Variants in GOLGA8S observed in about 807,000 individuals in gnomAD.
GOLGA8S encodes golgin subfamily A member 8S.
GOLGA8S carries 23 observed loss-of-function variants against 58.9 expected under a neutral mutation model. The observed-to-expected ratio is 0.39, with a 90% CI of 0.28 to 0.55. The LOEUF (loss-of-function observed/expected upper bound fraction) is 0.55. Among genes scored for constraint, GOLGA8S ranks in the 20% least tolerant of loss-of-function variants. The pLI is 0.63. For synonymous variants in GOLGA8S, 84 were observed against 195.7 expected, an observed-to-expected ratio of 0.43 and a Z score of 4.76; for missense variants, 266 against 514.2, an observed-to-expected ratio of 0.52 and a Z score of 4.67.
At chr15:23,364,046 G>A (rs1379973113) in intron 15 of GOLGA8S, among the ~76,000 whole-genome samples, 2 of 137,102 alleles carry the variant, frequency 1.5e-5, no homozygotes, top group African/African-American at 5.1e-5. Flanking sequence ...CAAGTCCGCT[G>A]GAGCTAGTGC....
rs576001395 is a variant in GOLGA8S at position 23,358,164 on chromosome 15, A to G, written c.310-308A>G. Among the ~76,000 whole-genome samples the G allele has an allele frequency of 9.8e-5, 15 of 152,382 alleles. No homozygotes were observed. The East Asian group carries it at 2.9e-3, about 29-fold the overall frequency. ...CAGTAAATGTTTATTGAATGAATGC[A>G]CTTTTCTAAATCACAAGCTGGCAGA... On this transcript the variant is annotated intron_variant, in intron 4 of 18. Coordinates refer to ENST00000562295, the Ensembl canonical transcript of GOLGA8S.
chr15:23,368,452 A>G (rs2069955118), downstream of GOLGA8S, among the ~76,000 whole-genome samples: 2 of 151,914 alleles, frequency 1.3e-5, 1 homozygote, highest in South Asian at 4.2e-4. Context: ...ATTGTAATAC[A>G]ACTATGCAAG....
chr15:23,364,427 C>G, exon 16 of GOLGA8S: 1 of 1,604,840 alleles, frequency 6.2e-7, no homozygotes, highest in East Asian at 2.2e-5. Context: ...TCAATACTGG[C>G]AAGAGAGATG....
chr15:23,354,979 C>T lies in GOLGA8S; in HGVS notation c.48+86C>T, dbSNP rs1470645784. The T allele has an allele frequency of 1.3e-4, 53 of 408,890 alleles. 4 individuals are homozygous for T. Among genetic ancestry groups the T allele is most frequent in the Admixed American group, 1.1e-3 (40 of 34,846 alleles). 25.3% of individuals were successfully genotyped at this position (408,890 alleles called of 1,614,324 possible). On this transcript the variant is annotated intron_variant, in intron 1 of 18. Transcript: ENST00000562295. ...CTGCTGCCAGAGTCCATACCACTCC[C>T]GAGGTTCACCGGACTGGGGCCCCCA...
rs527660217 is a variant in GOLGA8S at position 23,357,836 on chromosome 15, C to A, written c.309+217C>A. Among the ~76,000 whole-genome samples the A allele has an allele frequency of 3.3e-5, 5 of 149,960 alleles. No individual in the cohort carries two copies. In the East Asian group the frequency reaches 5.8e-4, roughly 17 times the overall value. On this transcript the variant is annotated intron_variant, in intron 4 of 18. Coordinates refer to ENST00000562295, the Ensembl canonical transcript of GOLGA8S. ...TCTCCCCTCTCCAGATGCCCCTGCT[C>A]GAGTCCTTGCTACACACGCCCTGGG...
chr15:23,361,079 A>G (rs546627949), intron 11 of GOLGA8S, 142 bp from the exon 12 acceptor site: 2 of 865,172 alleles, frequency 2.3e-6, no homozygotes, highest in Middle Eastern at 3.6e-4. Flanking sequence ...AGGAATCATT[A>G]GCAGTGAGGC....
At chr15:23,365,158 C>T (rs139243742), downstream of GOLGA8S, 331,003 of 1,580,028 alleles carry the variant, frequency 0.21, 53,319 homozygotes, top group Non-Finnish European at 0.23. Flanking sequence ...CAAAGAGCTG[C>T]TCAAGAAATT....
chr15:23,357,881 G>A (rs2069713436), intron 4 of GOLGA8S, among the ~76,000 whole-genome samples: 1 of 150,080 alleles, frequency 6.7e-6, no homozygotes, highest in African/African-American at 2.5e-5. Context: ...TCTTGGGGAA[G>A]TGCTAGCCTG....
Position 23,365,086 on chromosome 15 carries a change from C to T in GOLGA8S, c.1830C>T (p.Cys610=). Residue 610 remains cysteine (C), a synonymous_variant, in exon 19 of 19, where the codon TGC becomes TGT. Transcript: ENST00000562295. ...AGCACCCAGGCTTGGGCAACAACTGCTGTGTGCCATTCTTTTGCTGGGCTT... is the reference window on the plus strand; with the variant it reads ...AGCACCCAGGCTTGGGCAACAACTGTTGTGTGCCATTCTTTTGCTGGGCTT... The T allele has an allele frequency of 1.9e-6, 3 of 1,582,656 alleles. 1 individual carries two copies. Among genetic ancestry groups the T allele is most frequent in the Admixed American group, 3.4e-5 (2 of 59,254 alleles).
At chr15:23,366,551 A>C (rs564053984), downstream of GOLGA8S, 1 of 152,138 alleles carries the variant, frequency 6.6e-6, no homozygotes, top group Admixed American at 6.6e-5. Flanking sequence ...GTGAATGTCA[A>C]TGTATTATCA....
At chr15:23,365,335 C>G (rs1346516366), downstream of GOLGA8S, 3 of 635,174 alleles carry the variant, frequency 4.7e-6, no homozygotes, top group East Asian at 8.2e-5. Context: ...GATGTTCACT[C>G]TGGCATCCTT....
intron 4 of GOLGA8S, among the ~76,000 whole-genome samples, chr15:23,358,133 C>T (rs535807259): frequency 2.0e-5 from 3 of 152,286 alleles, no homozygotes; most frequent in Admixed American, 1.3e-4. Flanking sequence ...TTGGCCCATA[C>T]GTGCTCAGTA....
intron 8 of GOLGA8S, among the ~76,000 whole-genome samples, 151 bp downstream of exon 8, chr15:23,359,360 T>A (rs891072961): frequency 9.6e-5 from 14 of 145,134 alleles, no homozygotes; most frequent in Admixed American, 2.1e-4. Flanking sequence ...TAGCGGCAGC[T>A]TGGGACTGAG....
chr15:23,360,664 G>C, intron 10 of GOLGA8S, 64 bp from the exon 11 acceptor site: 1 of 1,231,826 alleles, frequency 8.1e-7, no homozygotes, highest in Non-Finnish European at 1.2e-6. Flanking sequence ...CAGAGAGGGA[G>C]AGGGCAGCCT....
At chr15:23,360,654 C>T (rs1021636284) in intron 10 of GOLGA8S, 74 bp from the exon 11 acceptor site, 58 of 1,245,054 alleles carry the variant, frequency 4.7e-5, no homozygotes, top group Non-Finnish European at 6.6e-5. Context: ...GAGGTGGGGG[C>T]AGAGAGGGAG....
chr15:23,360,588 G>T lies in GOLGA8S; in HGVS notation c.786+56G>T, dbSNP rs1408057751. 1.6e-5 allele frequency: 16 copies of T among 1,024,558 alleles called. 2 individuals carry two copies. The East Asian group carries it at 2.4e-4, about 15-fold the overall frequency. The allele number at this position is 1,024,558 out of a possible 1,614,324, so 63.5% of individuals were successfully genotyped here. A position where few individuals can be genotyped will look rare whatever the true frequency, so the allele number is the denominator to read the frequency against. Reference sequence around the variant, plus strand: ...TAGATAGGTCACTGGATCTTTCTGGGCACCTGTAAAATGGGAATAGTAGAG... The same window carrying T: ...TAGATAGGTCACTGGATCTTTCTGGTCACCTGTAAAATGGGAATAGTAGAG... On this transcript the variant is annotated intron_variant, in intron 10 of 18. Transcript: ENST00000562295.
At chr15:23,366,510 T>C (rs2069924720), downstream of GOLGA8S, 2 of 152,038 alleles carry the variant, frequency 1.3e-5, no homozygotes, top group Admixed American at 1.3e-4. Flanking sequence ...AAACTTAAAA[T>C]GTGTACAAAC....
At position 23,362,732 on chromosome 15, in the gene GOLGA8S, C is replaced by A. The variant is rs1427287123; in HGVS notation, c.1180-433C>A. On this transcript the variant is annotated intron_variant, in intron 13 of 18. Coordinates refer to ENST00000562295, the Ensembl canonical transcript of GOLGA8S. ...TAGGCCTGAAGTAAGGGGCCAGGGG[C>A]CTGGGCAGGCGACAGAGCCCCACAG... Among the ~76,000 whole-genome samples the A allele has an allele frequency of 3.3e-4, 47 of 142,370 alleles. 1 individual carries two copies. The highest frequency in any genetic ancestry group is 6.1e-4 in the Non-Finnish European group (40 of 65,570). The allele number at this position is 142,370 out of a possible 152,430, so 93.4% of individuals were successfully genotyped here.
downstream of GOLGA8S, chr15:23,366,669 A>C (rs1485231738): frequency 6.6e-6 from 1 of 151,802 alleles, no homozygotes; most frequent in Non-Finnish European, 1.5e-5. Context: ...ATTTTGTGCA[A>C]TATTTATGTG....
Sources: allele counts gnomAD v4.1 joint callset (sites outside exome capture counted in the v4.1 genomes callset), GRCh38; gene constraint gnomAD v4.1.1; transcripts MANE v1.5; gene names NCBI Gene and HGNC (gene_info 2026-07-23, HGNC 2026-07-21).